The following PRTN3 variants were observed in gnomAD, a reference collection of about 807,000 sequenced individuals.
The protein encoded by PRTN3 is proteinase 3.
A neutral mutation model predicts 20.7 loss-of-function variants in PRTN3; 22 were observed. That is an observed-to-expected ratio of 1.06 (90% CI 0.76 to 1.52). PRTN3 has a LOEUF of 1.52. PRTN3 is among the 40% of genes most tolerant of loss of function. The pLI, the probability that PRTN3 is intolerant of heterozygous loss-of-function variation, is 0.00. For synonymous variants in PRTN3, 173 were observed against 152.9 expected, an observed-to-expected ratio of 1.13 and a Z score of -0.97; for missense variants, 378 against 359.6, an observed-to-expected ratio of 1.05 and a Z score of -0.41.
At chr19:844,173 A>G (rs1335198824) in intron 3 of PRTN3, 139 bp downstream of exon 3, 2 of 1,191,434 alleles carry the variant, frequency 1.7e-6, no homozygotes, top group African/African-American at 3.3e-5. Flanking sequence ...GTCCAGTGGC[A>G]CTGGCCGGGG....
intron 1 of PRTN3, among the ~76,000 whole-genome samples, chr19:842,342 T>C (rs904945863): frequency 3.3e-5 from 5 of 150,582 alleles, no homozygotes; most frequent in African/African-American, 1.2e-4. Context: ...TTTTGCTTCT[T>C]TTTTTTTATT....
rs569543246 is a variant in PRTN3, at chr19:848,044, C to T, written c.*75C>T. The T allele has an allele frequency of 3.3e-6, 5 of 1,495,356 alleles. No homozygotes were observed. Among genetic ancestry groups the T allele is most frequent in the Middle Eastern group, 2.3e-4 (1 of 4,338 alleles). 92.6% of individuals were successfully genotyped at this position (1,495,356 alleles called of 1,614,324 possible). On this transcript the variant is annotated 3_prime_UTR_variant, in exon 5 of 5. Coordinates refer to ENST00000234347, the MANE Select transcript of PRTN3 (RefSeq NM_002777.4). ...CTCGAGGCGGATCTTTGGACAGAAG[C>T]AGCTCTTCCCCGAACACTGTGGCGT...
chr19:843,461 G>A lies in PRTN3; in HGVS notation c.62G>A (p.Gly21Asp). 6.4e-7 allele frequency: 1 copy of A among 1,559,488 alleles called. No homozygotes were observed. The highest frequency in any genetic ancestry group is 8.6e-7 in the Non-Finnish European group (1 of 1,157,410). The change falls in exon 2 of 5, where the codon GGT becomes GAT. Residue 21 changes from glycine to aspartate, a missense_variant and splice_region_variant. Transcript: ENST00000234347. ...TGACGCCTGGACTCCCCCCCTGCAG[G>A]TGCTGCCCGAGCTGCGGAGATCGTG... is the stretch of plus-strand genomic sequence containing the variant. The part of the protein sequence containing the change: ...ASVLLALLLS[G>D]AARAAEIVGG...
chr19:843,609 G>A lies in PRTN3; in HGVS notation c.210G>A (p.Ala70=), dbSNP rs367854995. 2 of 1,592,120 alleles carry A rather than the reference G, an allele frequency of 1.3e-6. No homozygotes were observed. The highest frequency in any genetic ancestry group is 1.7e-6 in the Non-Finnish European group (2 of 1,174,640). The stretch of plus-strand genomic sequence containing the variant: ...ACCCCAGCTTCGTGCTGACGGCCGC[G>A]CACTGCCTGCGGGACATGTGAGCGG... The part of the protein sequence containing the change: ...LIHPSFVLTA[A]HCLRDIPQRL... The change falls in exon 2 of 5, where the codon GCG becomes GCA. Residue 70 remains alanine, a synonymous_variant. Coordinates refer to ENST00000234347, the MANE Select transcript of PRTN3 (RefSeq NM_002777.4).
Position 844,801 on chromosome 19 carries a change from G to A in PRTN3, c.369+767G>A, listed in dbSNP as rs180918958. ...TAGAACGGGACTGGGCATACAGGTG[G>A]TGCTCAGTAAGTGCTTGGGGCTGGG... On this transcript the variant is annotated intron_variant, in intron 3 of 4. Coordinates refer to ENST00000234347, the MANE Select transcript of PRTN3 (RefSeq NM_002777.4). Among the ~76,000 whole-genome samples, 14 of 152,016 alleles carry A rather than the reference G, an allele frequency of 9.2e-5. No individual in the cohort carries two copies. In the East Asian group the frequency reaches 2.6e-3, roughly 28 times the overall value.
chr19:841,036 C>T lies in PRTN3; in HGVS notation c.28C>T (p.Leu10=). Reference sequence around the variant, plus strand: ...GGCTCACCGGCCCCCCAGCCCTGCCCTGGCGTCCGTGCTGCTGGCCTTGCT... The same window carrying T: ...GGCTCACCGGCCCCCCAGCCCTGCCTTGGCGTCCGTGCTGCTGGCCTTGCT... MAHRPPSPA[L]ASVLLALLLS... Residue 10 remains leucine, a synonymous_variant, in exon 1 of 5, where the codon CTG becomes TTG. Coordinates refer to ENST00000234347, the MANE Select transcript of PRTN3 (RefSeq NM_002777.4). 1 of 1,608,714 alleles carries T rather than the reference C, an allele frequency of 6.2e-7. No individual in the cohort carries two copies. The highest frequency in any genetic ancestry group is 1.1e-5 in the South Asian group (1 of 90,936).
intron 3 of PRTN3, among the ~76,000 whole-genome samples, chr19:845,698 G>C (rs1287343489): frequency 7.0e-6 from 1 of 142,312 alleles, no homozygotes; most frequent in Non-Finnish European, 1.5e-5. Flanking sequence ...TGGGCAACAA[G>C]AGCGAAACTC....
chr19:846,075 G>C lies in PRTN3; in HGVS notation c.370-72G>C, dbSNP rs1360065339. On this transcript the variant is annotated intron_variant, in intron 3 of 4. Coordinates refer to ENST00000234347, the MANE Select transcript of PRTN3 (RefSeq NM_002777.4). Reference sequence around the variant, plus strand: ...TTGAGGTGGTGGGTGTGGTGGGTGTGGTGGGAGGGCGGCCCGGGCGGCCAC... The same window carrying C: ...TTGAGGTGGTGGGTGTGGTGGGTGTCGTGGGAGGGCGGCCCGGGCGGCCAC... 3.0e-5 allele frequency: 36 copies of C among 1,200,298 alleles called. No individual in the cohort carries two copies. The South Asian group carries it at 5.7e-4, about 19-fold the overall frequency. The allele number at this position is 1,200,298 out of a possible 1,614,324, so 74.4% of individuals were successfully genotyped here.
chr19:847,555 A>AAGAAAGAGAGAG, intron 4 of PRTN3, among the ~76,000 whole-genome samples: 1 of 115,906 alleles, frequency 8.6e-6, no homozygotes, highest in African/African-American at 3.7e-5. Context: ...AAGAAAAAGA[A>AAGAAAGAGAGAG]AGAGAGAGAG....
rs1411066547 is a variant in PRTN3, at chr19:841,056, C to T, written c.48C>T (p.Ala16=). ...CTGCCCTGGCGTCCGTGCTGCTGGC[C>T]TTGCTGCTGAGCGGTGAGTGAGCCA... ...PSPALASVLL[A]LLLSGAARAA... The change falls in exon 1 of 5, where the codon GCC becomes GCT. Residue 16 remains alanine (A), a synonymous_variant. Transcript: ENST00000234347. 7 of 1,606,788 alleles carry T rather than the reference C, an allele frequency of 4.4e-6. No individual in the cohort carries two copies. The highest frequency in any genetic ancestry group is 1.7e-4 in the Middle Eastern group (1 of 6,054).
In PRTN3 at chr19:846,222, G is replaced by A. The variant is rs150278723; in HGVS notation, c.445G>A (p.Gly149Ser). 1.2e-5 allele frequency: 19 copies of A among 1,548,300 alleles called. No homozygotes were observed. In the African/African-American group the frequency reaches 1.2e-4, roughly 10 times the overall value. Residue 149 changes from glycine (G) to serine (S), a missense_variant, in exon 4 of 5, where the codon GGC becomes AGC. Coordinates refer to ENST00000234347, the MANE Select transcript of PRTN3 (RefSeq NM_002777.4). ...LPQQDQPVPH[G>S]TQCLAMGWGR... is the part of the protein sequence containing the mutation. ...ACAGCAGGACCAGCCAGTGCCCCAC[G>A]GCACCCAGTGCCTGGCCATGGGCTG...
At chr19:846,745 C>G (rs2035522354) in intron 4 of PRTN3, among the ~76,000 whole-genome samples, 1 of 92,542 alleles carries the variant, frequency 1.1e-5, no homozygotes, top group Admixed American at 9.1e-5. Flanking sequence ...CCTGCTCACA[C>G]TTTTTGTTTG....
Position 841,018 on chromosome 19 carries a change from C to T in PRTN3, c.10C>T (p.Arg4Trp), listed in dbSNP as rs1003563451. MAHRPPSPALASVL... is the reference protein window; with the variant it reads MAHWPPSPALASVL... ...CACCCTGGACCCCACCATGGCTCACCGGCCCCCCAGCCCTGCCCTGGCGTC... is the reference window on the plus strand; with the variant it reads ...CACCCTGGACCCCACCATGGCTCACTGGCCCCCCAGCCCTGCCCTGGCGTC... Residue 4 changes from arginine (R) to tryptophan (W), a missense_variant, in exon 1 of 5, where the codon CGG (arginine) becomes TGG (tryptophan). Arg to Trp is a moderately radical substitution (Grantham distance 101). Coordinates refer to ENST00000234347, the MANE Select transcript of PRTN3 (RefSeq NM_002777.4). 1.6e-5 allele frequency: 25 copies of T among 1,609,060 alleles called. No homozygotes were observed. Among genetic ancestry groups the T allele is most frequent in the East Asian group, 8.9e-5 (4 of 44,888 alleles).
chr19:845,769 C>G (rs1188527848), intron 3 of PRTN3, among the ~76,000 whole-genome samples: 2 of 149,942 alleles, frequency 1.3e-5, no homozygotes, highest in South Asian at 2.1e-4. Flanking sequence ...AATGGCCGGG[C>G]ACTATGGCTC....
intron 2 of PRTN3, 22 bp downstream of exon 2, chr19:843,648 C>T (rs1017557963): frequency 1.3e-6 from 2 of 1,527,194 alleles, no homozygotes; most frequent in South Asian, 1.2e-5. Context: ...CCTCCACACC[C>T]CTGTCCGCCC....
Position 848,083 on chromosome 19 carries a change from A to T in PRTN3, c.*114A>T. 1.5e-6 allele frequency: 2 copies of T among 1,314,314 alleles called. No homozygotes were observed. Among genetic ancestry groups the T allele is most frequent in the Admixed American group, 2.4e-5 (1 of 41,712 alleles). 81.4% of individuals were successfully genotyped at this position (1,314,314 alleles called of 1,614,324 possible). The stretch of plus-strand genomic sequence containing the variant: ...ACACTGTGGCGTCCGGGACGGCCCC[A>T]CCCGTCCCCCCACACTCCCTCCCAC... On this transcript the variant is annotated 3_prime_UTR_variant, in exon 5 of 5. Coordinates refer to ENST00000234347, the MANE Select transcript of PRTN3 (RefSeq NM_002777.4).
chr19:843,535 C>T lies in PRTN3; in HGVS notation c.136C>T (p.Gln46Ter). 6.3e-7 allele frequency: 1 copy of T among 1,596,698 alleles called. No individual in the cohort carries two copies. Among genetic ancestry groups the T allele is most frequent in the Non-Finnish European group, 8.5e-7 (1 of 1,174,274 alleles). ...CTCCCGGCCCTACATGGCCTCCCTG[C>T]AGATGCGGGGGAACCCGGGCAGCCA... The part of the protein sequence containing the change: ...PHSRPYMASL[Q>*]MRGNPGSHFC... Residue 46 changes from glutamine (Q) to a stop codon, truncating the protein, a stop_gained, in exon 2 of 5, where the codon CAG becomes TAG. Transcript: ENST00000234347. LOFTEE classifies it high-confidence loss of function.
At chr19:847,214 G>A (rs760297830) in intron 4 of PRTN3, among the ~76,000 whole-genome samples, 13 of 152,144 alleles carry the variant, frequency 8.5e-5, no homozygotes, top group Non-Finnish European at 1.6e-4. Flanking sequence ...GCTAAGGCAG[G>A]AGGATCACTT....
At chr19:844,073 C>T in intron 3 of PRTN3, 39 bp downstream of exon 3, 9 of 1,563,466 alleles carry the variant, frequency 5.8e-6, no homozygotes, top group Non-Finnish European at 6.9e-6. Flanking sequence ...AGGGGCACGG[C>T]CAGAGGGCTC....
Sources: gnomAD v4.1 joint callset for allele counts (sites outside exome capture counted in the v4.1 genomes callset) on GRCh38, gnomAD v4.1.1 for gene constraint, MANE v1.5 for transcripts, NCBI Gene and HGNC (gene_info 2026-07-23, HGNC 2026-07-21) for gene names.